Variants in PTCH2 observed in about 807,000 individuals in gnomAD.
PTCH2 encodes the protein patched 2.
Under a neutral mutation model 117.9 loss-of-function variants are expected in PTCH2, and 96 were observed. The ratio of observed to expected loss-of-function variants is 0.81; its 90% CI spans 0.69 to 0.96. The LOEUF (loss-of-function observed/expected upper bound fraction) is 0.96, where lower values mean the gene tolerates loss of function less well. Among genes scored for constraint, PTCH2 ranks in the 50% least tolerant of loss-of-function variants. The probability of loss-of-function intolerance (pLI) is 0.00; values close to 1 mark genes in which losing one functional copy is unlikely to be tolerated. For synonymous variants in PTCH2, 615 were observed against 660.9 expected (o/e 0.93, Z 1.06); for missense variants, 1,379 against 1,562.5 (o/e 0.88, Z 1.98).
chr1:44,822,573 T>C lies in PTCH2; in HGVS notation c.3454A>G (p.Ser1152Gly), dbSNP rs772146260. 6.8e-6 allele frequency: 11 copies of C among 1,614,010 alleles called. No homozygotes were observed. Among genetic ancestry groups the C allele is most frequent in the Non-Finnish European group, 9.3e-6 (11 of 1,179,966 alleles). ...ATGGAGGTAGTCACTCTGGCAAAGC[T>C]CTGGGGCAGGGAGGAGGATGCCCCC... ...RWGASSSLPQ[S>G]FARVTTSMTV... The change falls in exon 22 of 22, where the codon AGC becomes GGC. Residue 1152 changes from serine to glycine, a missense_variant. Ser to Gly is a moderately conservative substitution (Grantham distance 56). Coordinates refer to ENST00000372192, the MANE Select transcript of PTCH2 (RefSeq NM_003738.5).
chr1:44,840,437 AC>A (rs1653894061), intron 2 of PTCH2, among the ~76,000 whole-genome samples: 1 of 142,664 alleles, frequency 7.0e-6, no homozygotes, highest in South Asian at 2.6e-4. Flanking sequence ...CTGGCCAGGC[AC>A]GGTGGCTCAC....
chr1:44,829,846 TG>T (rs2148878245), intron 7 of PTCH2, 62 bp downstream of exon 7: 1 of 1,613,936 alleles, frequency 6.2e-7, no homozygotes, highest in East Asian at 2.2e-5. Context: ...CAGAGCTGCC[TG>T]GCATTACAGT....
At chr1:44,822,972 C>T in intron 21 of PTCH2, 97 bp downstream of exon 21, 1 of 1,367,912 alleles carries the variant, frequency 7.3e-7, no homozygotes, top group South Asian at 1.3e-5. Context: ...TGGGGAGGTA[C>T]CTGTCTGTGG....
intron 2 of PTCH2, among the ~76,000 whole-genome samples, chr1:44,839,244 G>A (rs995507356): frequency 4.6e-5 from 7 of 151,394 alleles, no homozygotes; most frequent in South Asian, 2.1e-4. Context: ...GCATGGTGGC[G>A]CATGCCTATA....
In PTCH2 at chr1:44,826,020, AT is replaced by A. The variant is rs1464444014; in HGVS notation, c.3114+229del. ...CCACCACGCCTGGCTAATTTTTTGT[AT>A]TTTTAGTAAAGACAGGGTTTCACCA... is the stretch of plus-strand genomic sequence containing the variant. On this transcript the variant is annotated intron_variant, in intron 19 of 21. Coordinates refer to ENST00000372192, the MANE Select transcript of PTCH2 (RefSeq NM_003738.5). This position sits in a 1 kb window ranked among gnomAD's most constrained non-coding sequence, Gnocchi z 5.1. 2.0e-5 allele frequency among the ~76,000 whole-genome samples: 3 copies of A among 150,842 alleles called. No individual in the cohort carries two copies. The highest frequency in any genetic ancestry group is 7.3e-5 in the African/African-American group (3 of 40,930).
chr1:44,819,901 G>A (rs186502463), downstream of PTCH2: 166 of 153,372 alleles, frequency 1.1e-3, no homozygotes, highest in Middle Eastern at 3.4e-3. Flanking sequence ...GAAATAAGAG[G>A]CCTCAAAAAA....
chr1:44,842,795 T>C, intron 1 of PTCH2, 66 bp downstream of exon 1: 2 of 1,456,962 alleles, frequency 1.4e-6, no homozygotes, highest in Non-Finnish European at 1.9e-6. Flanking sequence ...ATCACAAACC[T>C]TGCAGAGGCC....
At position 44,831,969 on chromosome 1, in the gene PTCH2, A is replaced by T. The variant is rs1653471438; in HGVS notation, c.525+6T>A. On this transcript the variant is annotated splice_donor_region_variant and intron_variant, in intron 4 of 21. Transcript: ENST00000372192. This position sits in a 1 kb window ranked among gnomAD's most constrained non-coding sequence, Gnocchi z 4.3. ...TTCTGCCTCTACTCCCTCTCAGGAC[A>T]CTTACCCGCTCAATCATTCCATTTT... 3 of 1,609,586 alleles carry T rather than the reference A, an allele frequency of 1.9e-6. No homozygotes were observed. Among genetic ancestry groups the T allele is most frequent in the Non-Finnish European group, 2.6e-6 (3 of 1,175,906 alleles).
chr1:44,822,396 CTG>C lies in PTCH2; in HGVS notation c.*17_*18del, dbSNP rs1167050600. 4 of 1,613,406 alleles carry C rather than the reference CTG, an allele frequency of 2.5e-6. No homozygotes were observed. The South Asian group carries it at 4.4e-5, about 18-fold the overall frequency. Reference sequence around the variant, plus strand: ...ACCCCACACGCCCCACACATGGTCTCTGTGCTTCAGCTGCTCTTTCACCCAGT... The same window carrying C: ...ACCCCACACGCCCCACACATGGTCTCTGCTTCAGCTGCTCTTTCACCCAGT... On this transcript the variant is annotated 3_prime_UTR_variant, in exon 22 of 22. Transcript: ENST00000372192.
rs1652994867 is a variant in PTCH2 at position 44,823,308 on chromosome 1, A to G, written c.3192T>C (p.Asp1064=). 1.2e-6 allele frequency: 2 copies of G among 1,614,098 alleles called. No individual in the cohort carries two copies. Among genetic ancestry groups the G allele is most frequent in the African/African-American group, 1.3e-5 (1 of 74,924 alleles). Residue 1064 remains aspartate, a synonymous_variant, in exon 20 of 22, where the codon GAT becomes GAC. Transcript: ENST00000372192. This position sits in a 1 kb window ranked among gnomAD's most constrained non-coding sequence, Gnocchi z 5.1. ...ALEHTFAPVT[D]GAISTLLGLL... ...GACCCAGCAATGTGGAGATGGCCCC[A>G]TCGGTCACGGGGGCAAATGTGTGCT... is the stretch of plus-strand genomic sequence containing the variant.
chr1:44,821,079 C>T (rs1024707326), downstream of PTCH2, among the ~76,000 whole-genome samples: 2 of 151,964 alleles, frequency 1.3e-5, no homozygotes, highest in Admixed American at 6.6e-5. Context: ...GATGTGAGAA[C>T]GCATTGTTCC....
At position 44,842,848 on chromosome 1, in the gene PTCH2, C is replaced by T. The variant is rs1441480413; in HGVS notation, c.72+13G>A. 5 of 1,547,972 alleles carry T rather than the reference C, an allele frequency of 3.2e-6. No individual in the cohort carries two copies. The highest frequency in any genetic ancestry group is 2.0e-5 in the Admixed American group (1 of 50,956). ...TCCGCTCTCTTCCTTCTTCCAGCTC[C>T]CCCTCTACTCACCTGGGGTGCTGCG... On this transcript the variant is annotated intron_variant, in intron 1 of 21. Transcript: ENST00000372192.
At chr1:44,830,076 A>G in intron 6 of PTCH2, 46 bp from the exon 7 acceptor site, 1 of 1,608,624 alleles carries the variant, frequency 6.2e-7, no homozygotes, top group Non-Finnish European at 8.5e-7. Context: ...CTGGCCGTGG[A>G]TAACTGAGTG....
At chr1:44,835,126 A>G (rs1216371737) in intron 2 of PTCH2, among the ~76,000 whole-genome samples, 1 of 152,188 alleles carries the variant, frequency 6.6e-6, no homozygotes, top group Non-Finnish European at 1.5e-5. Flanking sequence ...GCTGGAGTGC[A>G]GTGGTGCAAT....
chr1:44,829,767 G>A lies in PTCH2; in HGVS notation c.936-6C>T. 1 of 1,614,184 alleles carries A rather than the reference G, an allele frequency of 6.2e-7. No individual in the cohort carries two copies. The highest frequency in any genetic ancestry group is 1.1e-5 in the South Asian group (1 of 91,084). On this transcript the variant is annotated splice_region_variant and splice_polypyrimidine_tract_variant and intron_variant, in intron 7 of 21. Transcript: ENST00000372192. ...TGCTCTGCAGGGCCTCTGCCCTGGTGGGGGTGTGGGAGAACCAGGGGTCAG... is the reference window on the plus strand; with the variant it reads ...TGCTCTGCAGGGCCTCTGCCCTGGTAGGGGTGTGGGAGAACCAGGGGTCAG...
At chr1:44,842,793 C>G in intron 1 of PTCH2, 68 bp downstream of exon 1, 16 of 1,446,190 alleles carry the variant, frequency 1.1e-5, no homozygotes, top group Non-Finnish European at 1.5e-5. Flanking sequence ...ACATCACAAA[C>G]CTTGCAGAGG....
At chr1:44,835,879 C>T (rs1653663964) in intron 2 of PTCH2, among the ~76,000 whole-genome samples, 1 of 152,124 alleles carries the variant, frequency 6.6e-6, no homozygotes, top group Non-Finnish European at 1.5e-5. Flanking sequence ...CAGGGAGGAG[C>T]CAGCGGCAAT....
At chr1:44,836,724 G>C (rs1371738518) in intron 2 of PTCH2, among the ~76,000 whole-genome samples, 2 of 151,106 alleles carry the variant, frequency 1.3e-5, no homozygotes, top group Non-Finnish European at 3.0e-5. Context: ...AAAAGAAAAA[G>C]AAAAAAGGAA....
At chr1:44,828,721 G>A (rs1653282622) in intron 11 of PTCH2, 90 bp from the exon 12 acceptor site, 5 of 1,532,264 alleles carry the variant, frequency 3.3e-6, no homozygotes, top group Non-Finnish European at 4.4e-6. Context: ...AACTTGGGGT[G>A]CAGAGGTGGG....
Sources: allele counts gnomAD v4.1 joint callset (sites outside exome capture counted in the v4.1 genomes callset), GRCh38; gene constraint gnomAD v4.1.1; non-coding constraint Gnocchi (gnomAD v3.1); transcripts MANE v1.5; gene names NCBI Gene and HGNC (gene_info 2026-07-23, HGNC 2026-07-21).